Variants in KCNAB2 observed in about 807,000 individuals in gnomAD.
The protein encoded by KCNAB2 is voltage-gated potassium channel subunit beta-2.
Under a neutral mutation model 63.6 loss-of-function variants are expected in KCNAB2, and 29 were observed. That is an observed-to-expected ratio of 0.46 (90% confidence interval 0.34 to 0.62). The LOEUF (loss-of-function observed/expected upper bound fraction) is 0.62, where lower values mean the gene tolerates loss of function less well. Among genes scored for constraint, KCNAB2 ranks in the 20% least tolerant of loss-of-function variants. The pLI, the probability that KCNAB2 is intolerant of heterozygous loss-of-function variation, is 0.01. For synonymous variants in KCNAB2, 222 were observed against 224.2 expected (o/e 0.99, Z 0.09); for missense variants, 359 against 563.9 (o/e 0.64, Z 3.68).
chr1:6,042,694 T>A (rs1365066295), upstream of KCNAB2, among the ~76,000 whole-genome samples: 1 of 152,202 alleles, frequency 6.6e-6, no homozygotes, highest in East Asian at 1.9e-4. Context: ...CATTGCTGCA[T>A]CTTGGCGGTC....
intron 2 of KCNAB2, among the ~76,000 whole-genome samples, chr1:6,056,933 C>A (rs1661881339): frequency 6.6e-6 from 1 of 151,920 alleles, no homozygotes; most frequent in Non-Finnish European, 1.5e-5. Context: ...GAGTGTCTTC[C>A]TCACCCCTCC....
upstream of KCNAB2, among the ~76,000 whole-genome samples, chr1:6,042,809 A>C (rs2100471749): frequency 6.9e-6 from 1 of 144,632 alleles, no homozygotes; most frequent in African/African-American, 2.6e-5. Flanking sequence ...ATGTATTTCC[A>C]TGTAGCTTTT....
At chr1:6,085,098 C>A in intron 5 of KCNAB2, 106 bp from the exon 6 acceptor site, 2 of 1,168,194 alleles carry the variant, frequency 1.7e-6, no homozygotes, top group Non-Finnish European at 2.6e-6. Flanking sequence ...GCTCTCTGGC[C>A]CCAGTGACAT....
chr1:6,038,122 C>A (rs1660203858), intron 1 of KCNAB2, among the ~76,000 whole-genome samples: 1 of 151,878 alleles, frequency 6.6e-6, no homozygotes, highest in Admixed American at 6.6e-5. Flanking sequence ...CGTGATCCAC[C>A]CACCTCAGCC....
At chr1:6,072,667 G>C in intron 2 of KCNAB2, 88 bp from the exon 3 acceptor site, 1 of 1,390,068 alleles carries the variant, frequency 7.2e-7, no homozygotes, top group East Asian at 2.3e-5. Context: ...TTGGGGGAGT[G>C]GGTGGGGGGC....
intron 9 of KCNAB2, 38 bp downstream of exon 9, chr1:6,090,513 G>A: frequency 6.5e-7 from 1 of 1,547,490 alleles, no homozygotes; most frequent in South Asian, 1.1e-5. Context: ...TTAGGCCTGG[G>A]CGGGGTCTGA....
intron 5 of KCNAB2, among the ~76,000 whole-genome samples, chr1:6,084,156 T>C (rs1664447728): frequency 6.6e-6 from 1 of 152,156 alleles, no homozygotes; most frequent in African/African-American, 2.4e-5. Context: ...TAGCACAGAG[T>C]ATGGATCATT....
At position 6,071,553 on chromosome 1, in the gene KCNAB2, G is replaced by T. The variant is rs1285099908; in HGVS notation, c.219-1202G>T. Among the ~76,000 whole-genome samples the T allele has an allele frequency of 1.3e-5, 2 of 152,210 alleles. No homozygotes were observed. The highest frequency in any genetic ancestry group is 2.9e-5 in the Non-Finnish European group (2 of 68,034). On this transcript the variant is annotated intron_variant, in intron 2 of 15. Coordinates refer to ENST00000378083, the MANE Select transcript of KCNAB2 (RefSeq NM_001199862.2). The surrounding 1 kb of genome is among the most constrained non-coding windows in gnomAD (Gnocchi z 8.5). ...GGGGAACGTGAGCTGGCAGCCAACTGCCTGGGTGGGATCCAGCTCCTCCGC... is the reference window on the plus strand; with the variant it reads ...GGGGAACGTGAGCTGGCAGCCAACTTCCTGGGTGGGATCCAGCTCCTCCGC...
intron 2 of KCNAB2, among the ~76,000 whole-genome samples, chr1:6,056,737 C>A (rs2100565252): frequency 6.6e-6 from 1 of 152,334 alleles, no homozygotes; most frequent in South Asian, 2.1e-4. Context: ...TCTGTATCCC[C>A]AAAGGGGAAC....
intron 5 of KCNAB2, among the ~76,000 whole-genome samples, chr1:6,083,943 G>A (rs907781603): frequency 4.6e-5 from 7 of 152,200 alleles, no homozygotes; most frequent in African/African-American, 1.4e-4. Context: ...CCCAGAGATC[G>A]CTGCTAGCTT....
In KCNAB2 at chr1:6,046,124, G is replaced by C. The variant is rs1660900938; in HGVS notation, c.-86G>C. 2.0e-6 allele frequency: 2 copies of C among 985,322 alleles called. No individual in the cohort carries two copies. Among genetic ancestry groups the C allele is most frequent in the African/African-American group, 1.7e-5 (1 of 57,236 alleles). The allele number at this position is 985,322 out of a possible 1,614,324, so 61.0% of individuals were successfully genotyped here. A position where few individuals can be genotyped will look rare whatever the true frequency, so the allele number is the denominator to read the frequency against. ...CTGTGCCAGATCCTTAGAGTGTCTG[G>C]TGATCCCTAATAAACCAGACTGTGG... On this transcript the variant is annotated 5_prime_UTR_variant, in exon 1 of 16. Transcript: ENST00000378083.
intron 2 of KCNAB2, among the ~76,000 whole-genome samples, chr1:6,067,070 C>T (rs933380660): frequency 6.6e-6 from 1 of 152,198 alleles, no homozygotes; most frequent in Admixed American, 6.5e-5. Flanking sequence ...CAGCTTTGTA[C>T]AAAGGGTCCC....
At chr1:6,057,016 CG>C (rs1458781984) in intron 2 of KCNAB2, among the ~76,000 whole-genome samples, 4 of 151,842 alleles carry the variant, frequency 2.6e-5, no homozygotes, top group African/African-American at 7.3e-5. Context: ...CCCTGGCACC[CG>C]GAACACCCCC....
At chr1:6,091,235 T>A in intron 9 of KCNAB2, 28 bp from the exon 10 acceptor site, 1 of 1,509,444 alleles carries the variant, frequency 6.6e-7, no homozygotes, top group Non-Finnish European at 8.9e-7. Flanking sequence ...TCAACTCTGG[T>A]CTCTTTAAAT....
rs1665756638 is a variant in KCNAB2, at chr1:6,097,586, T to C, written c.1158+229T>C. On this transcript the variant is annotated intron_variant, in intron 15 of 15. Transcript: ENST00000378083. ...AATGTGTGTCAGGGTGGACGAGCGCTGTAGGAGAGAAGCCAGAGATAAAGG... is the reference window on the plus strand; with the variant it reads ...AATGTGTGTCAGGGTGGACGAGCGCCGTAGGAGAGAAGCCAGAGATAAAGG... 7 of 736,472 alleles carry C rather than the reference T, an allele frequency of 9.5e-6. No homozygotes were observed. The Admixed American group carries it at 1.5e-4, about 16-fold the overall frequency. 45.6% of individuals were successfully genotyped at this position (736,472 alleles called of 1,614,324 possible).
Position 6,083,804 on chromosome 1 carries a change from C to T in KCNAB2, c.381-1400C>T, listed in dbSNP as rs143280488. Reference sequence around the variant, plus strand: ...CGAGGCCCCTTGCTTCTCCTGCTGACACTAATTTGCACGCTTCTCAGAGAG... The same window carrying T: ...CGAGGCCCCTTGCTTCTCCTGCTGATACTAATTTGCACGCTTCTCAGAGAG... On this transcript the variant is annotated intron_variant, in intron 5 of 15. Coordinates refer to ENST00000378083, the MANE Select transcript of KCNAB2 (RefSeq NM_001199862.2). 8.5e-5 allele frequency among the ~76,000 whole-genome samples: 13 copies of T among 152,366 alleles called. 1 individual carries two copies. The East Asian group carries it at 2.5e-3, about 29-fold the overall frequency.
intron 1 of KCNAB2, among the ~76,000 whole-genome samples, chr1:5,997,063 T>G (rs1656980431): frequency 6.6e-6 from 1 of 152,164 alleles, no homozygotes; most frequent in Admixed American, 6.5e-5. Context: ...ATGGGTGAAC[T>G]GGTGCCTCAA....
intron 2 of KCNAB2, among the ~76,000 whole-genome samples, chr1:6,054,042 TAAA>T (rs566086045): frequency 8.7e-5 from 12 of 137,582 alleles, no homozygotes; most frequent in African/African-American, 1.9e-4. Context: ...GACCCTGTCT[TAAA>T]AAAAAAAAAA....
At chr1:6,018,137 T>C (rs569479310) in intron 1 of KCNAB2, among the ~76,000 whole-genome samples, 1 of 151,942 alleles carries the variant, frequency 6.6e-6, no homozygotes, top group Admixed American at 6.6e-5. Context: ...TCTCACTGTG[T>C]TGCCCAGGCT....
Sources: gnomAD v4.1 joint callset for allele counts (sites outside exome capture counted in the v4.1 genomes callset) on GRCh38, gnomAD v4.1.1 for gene constraint, Gnocchi (gnomAD v3.1) non-coding constraint, MANE v1.5 for transcripts, NCBI Gene and HGNC (gene_info 2026-07-23, HGNC 2026-07-21) for gene names.